KIF26B: variants seen among roughly 807,000 people sequenced by gnomAD.
The protein encoded by KIF26B is kinesin family member 26B.
In KIF26B, 63 loss-of-function variants were observed where a neutral mutation model predicts 151.2. The observed-to-expected ratio is 0.42, with a 90% CI of 0.34 to 0.51. The LOEUF (loss-of-function observed/expected upper bound fraction) is 0.51, where lower values mean the gene tolerates loss of function less well. Among genes scored for constraint, KIF26B ranks in the 20% least tolerant of loss-of-function variants. The probability of loss-of-function intolerance (pLI) is 0.07; values close to 1 mark genes in which losing one functional copy is unlikely to be tolerated. For missense variants in KIF26B, 2,813 were observed against 2,913.6 expected (o/e 0.97, Z 0.79); for synonymous variants, 1,357 against 1,262.1 (o/e 1.08, Z -1.59).
intron 4 of KIF26B, among the ~76,000 whole-genome samples, chr1:245,445,954 T>C (rs184956727): frequency 1.1e-4 from 17 of 152,390 alleles, no homozygotes; most frequent in Admixed American, 3.9e-4. Flanking sequence ...CATCTATTAC[T>C]ATTTCATTTA....
intron 2 of KIF26B, among the ~76,000 whole-genome samples, chr1:245,314,334 C>A (rs892546506): frequency 2.6e-5 from 4 of 152,052 alleles, no homozygotes; most frequent in African/African-American, 9.7e-5. Context: ...CGCCTGGAAT[C>A]CCAGCTACTC....
intron 2 of KIF26B, among the ~76,000 whole-genome samples, chr1:245,296,887 T>C (rs75675853): frequency 0.028 from 4,336 of 152,298 alleles, 211 homozygotes; most frequent in African/African-American, 0.099. Flanking sequence ...TTGAATCATT[T>C]CATTTATGTC....
intron 1 of KIF26B, among the ~76,000 whole-genome samples, chr1:245,155,902 AC>A (rs368852345): frequency 3.1e-4 from 46 of 149,898 alleles, no homozygotes; most frequent in African/African-American, 7.1e-4. Context: ...CCCTCCCCCT[AC>A]CCCCCCCATA....
chr1:245,261,490 TCTCTCTCTCTCTCC>T (rs1275407521), intron 2 of KIF26B, among the ~76,000 whole-genome samples: 11 of 118,970 alleles, frequency 9.2e-5, no homozygotes, highest in African/African-American at 3.7e-4. Flanking sequence ...TCTCTCTCTC[TCTCTCTCTCTCTCC>T]CTCCCTCCCT....
intron 2 of KIF26B, chr1:245,283,006 T>C: frequency 3.4e-6 from 1 of 294,612 alleles, no homozygotes; most frequent in South Asian, 3.9e-5. Flanking sequence ...TGAGGCTCCA[T>C]GTGCTTCATG....
chr1:245,558,383 C>T (rs1662086838), intron 5 of KIF26B, among the ~76,000 whole-genome samples: 1 of 152,248 alleles, frequency 6.6e-6, no homozygotes, highest in African/African-American at 2.4e-5. Context: ...CACACTTTCT[C>T]TCACCTTCGG....
intron 2 of KIF26B, among the ~76,000 whole-genome samples, chr1:245,350,152 G>A (rs930520905): frequency 8.6e-5 from 13 of 152,016 alleles, no homozygotes; most frequent in Non-Finnish European, 1.3e-4. Flanking sequence ...TGGTGGACCC[G>A]CCTGAGTCTG....
At chr1:245,443,711 T>C (rs1475644230) in intron 4 of KIF26B, among the ~76,000 whole-genome samples, 3 of 105,586 alleles carry the variant, frequency 2.8e-5, no homozygotes, top group African/African-American at 6.4e-5. Flanking sequence ...TCTCCCTCAC[T>C]GTTCACCTAG....
At position 245,413,557 on chromosome 1, in the gene KIF26B, G is replaced by A. The variant is rs150606004; in HGVS notation, c.1000-6022G>A. 5.5e-4 allele frequency among the ~76,000 whole-genome samples: 84 copies of A among 152,310 alleles called. 2 individuals are homozygous for A. The East Asian group carries it at 0.015, about 27-fold the overall frequency. Reference sequence around the variant, plus strand: ...GTCCACCTGTAATCCCAGCTACTCAGGAGGCTGAGGCGGGAGAATCGCTTG... The same window carrying A: ...GTCCACCTGTAATCCCAGCTACTCAAGAGGCTGAGGCGGGAGAATCGCTTG... On this transcript the variant is annotated intron_variant, in intron 3 of 14. Coordinates refer to ENST00000407071, the MANE Select transcript of KIF26B (RefSeq NM_018012.4).
At chr1:245,539,784 C>T (rs936814914) in intron 4 of KIF26B, among the ~76,000 whole-genome samples, 1 of 152,152 alleles carries the variant, frequency 6.6e-6, no homozygotes, top group Non-Finnish European at 1.5e-5. Flanking sequence ...TCCCGAATAG[C>T]TGGGATTACA....
intron 2 of KIF26B, among the ~76,000 whole-genome samples, chr1:245,237,007 G>T (rs7547227): frequency 1.3e-5 from 2 of 152,036 alleles, no homozygotes; most frequent in Admixed American, 6.5e-5. Flanking sequence ...TCTCTGGTCC[G>T]TGTGATCACA....
chr1:245,532,978 C>A (rs1011739147), intron 4 of KIF26B, among the ~76,000 whole-genome samples: 3 of 152,194 alleles, frequency 2.0e-5, no homozygotes, highest in African/African-American at 7.2e-5. Flanking sequence ...GTGTTTGTTA[C>A]ATGTGGATGA....
At chr1:245,169,225 C>A (rs1459539837) in intron 2 of KIF26B, among the ~76,000 whole-genome samples, 1 of 152,120 alleles carries the variant, frequency 6.6e-6, no homozygotes, top group East Asian at 1.9e-4. Context: ...ACAGCAAACC[C>A]TCCATGCAAG....
At chr1:245,369,320 T>A (rs1673047713) in intron 3 of KIF26B, among the ~76,000 whole-genome samples, 1 of 152,170 alleles carries the variant, frequency 6.6e-6, no homozygotes. Context: ...CATAGCATAG[T>A]TTTGTTACGC....
At chr1:245,283,114 A>G (rs1438019120) in intron 2 of KIF26B, 1 of 165,380 alleles carries the variant, frequency 6.0e-6, no homozygotes. Flanking sequence ...TCCCCCTGCC[A>G]CCACCTGGAG....
chr1:245,425,874 C>T (rs921686475), intron 4 of KIF26B, among the ~76,000 whole-genome samples: 6 of 152,190 alleles, frequency 3.9e-5, no homozygotes, highest in African/African-American at 9.7e-5. Flanking sequence ...AGCACAGAGA[C>T]TTCCAGTTCT....
At chr1:245,404,907 A>G (rs996301695) in intron 3 of KIF26B, among the ~76,000 whole-genome samples, 1 of 152,248 alleles carries the variant, frequency 6.6e-6, no homozygotes, top group African/African-American at 2.4e-5. Context: ...GGATTTTTCC[A>G]TCTCCCTAAA....
At chr1:245,531,117 A>G (rs1661348158) in intron 4 of KIF26B, among the ~76,000 whole-genome samples, 1 of 152,186 alleles carries the variant, frequency 6.6e-6, no homozygotes, top group Non-Finnish European at 1.5e-5. Context: ...TTCCCCCTAT[A>G]ATATGGAGAT....
intron 2 of KIF26B, among the ~76,000 whole-genome samples, chr1:245,187,163 T>A (rs561542649): frequency 6.6e-6 from 1 of 152,306 alleles, no homozygotes; most frequent in East Asian, 1.9e-4. Flanking sequence ...CCAAGCCAGG[T>A]ACTTTTCTAA....
Sources: gnomAD v4.1 joint callset for allele counts (sites outside exome capture counted in the v4.1 genomes callset) on GRCh38, gnomAD v4.1.1 for gene constraint, MANE v1.5 for transcripts, NCBI Gene and HGNC (gene_info 2026-07-23, HGNC 2026-07-21) for gene names.